The following ABLIM1 variants were observed in gnomAD, a reference collection of about 807,000 sequenced individuals.
ABLIM1 encodes actin-binding LIM protein 1.
ABLIM1 carries 40 observed loss-of-function variants against 107.0 expected under a neutral mutation model. That is an observed-to-expected ratio of 0.37 (90% CI 0.29 to 0.49). The LOEUF is 0.49. ABLIM1 is among the 20% of genes least tolerant of loss of function. The pLI, the probability that ABLIM1 is intolerant of heterozygous loss-of-function variation, is 0.97. For synonymous variants in ABLIM1, 357 were observed against 357.3 expected (o/e 1.00, Z 0.01); for missense variants, 857 against 1,008.5 (o/e 0.85, Z 2.04).
intron 2 of ABLIM1, among the ~76,000 whole-genome samples, chr10:114,584,364 A>C (rs1055024898): frequency 1.3e-5 from 2 of 152,168 alleles, no homozygotes; most frequent in Non-Finnish European, 2.9e-5. Context: ...CCAAGATGTT[A>C]GTCTATTCAT....
At chr10:114,453,618 C>T (rs751015796) in intron 12 of ABLIM1, 135 bp from the exon 13 acceptor site, 20 of 747,190 alleles carry the variant, frequency 2.7e-5, no homozygotes, top group Non-Finnish European at 1.2e-5. Context: ...AAGAAACAAA[C>T]TCAATTTATC....
At chr10:114,562,617 AG>A (rs1431135107) in intron 4 of ABLIM1, among the ~76,000 whole-genome samples, 1 of 152,246 alleles carries the variant, frequency 6.6e-6, no homozygotes, top group Non-Finnish European at 1.5e-5. Context: ...CTGTTAAGTA[AG>A]GGAAAACACT....
intron 4 of ABLIM1, among the ~76,000 whole-genome samples, chr10:114,570,876 G>C (rs2071573554): frequency 6.6e-6 from 1 of 152,084 alleles, no homozygotes; most frequent in Non-Finnish European, 1.5e-5. Flanking sequence ...AAAGTGCTGG[G>C]ATTACAGGCA....
intron 1 of ABLIM1, among the ~76,000 whole-genome samples, chr10:114,699,903 A>C (rs1430635064): frequency 6.6e-6 from 1 of 152,338 alleles, no homozygotes; most frequent in Non-Finnish European, 1.5e-5. Flanking sequence ...ATTATACCAC[A>C]GTATTGCAAG....
exon 1 of ABLIM1, chr10:114,684,572 C>A: frequency 7.4e-7 from 1 of 1,344,528 alleles, no homozygotes; most frequent in East Asian, 2.6e-5. Flanking sequence ...TCCTCATGTA[C>A]AGATTCTGCA....
At chr10:114,567,440 G>C (rs942171323) in intron 4 of ABLIM1, among the ~76,000 whole-genome samples, 7 of 152,206 alleles carry the variant, frequency 4.6e-5, no homozygotes, top group African/African-American at 7.2e-5. Flanking sequence ...ATGTAAACCA[G>C]TTACACAGTA....
intron 1 of ABLIM1, among the ~76,000 whole-genome samples, chr10:114,754,018 A>AT (rs1055401553): frequency 6.6e-5 from 10 of 151,978 alleles, no homozygotes; most frequent in Non-Finnish European, 1.2e-4. Flanking sequence ...GACCTGGCTA[A>AT]TTTTTTTGTA....
chr10:114,578,785 CTTTT>C (rs35420465), intron 2 of ABLIM1, among the ~76,000 whole-genome samples: 1 of 111,720 alleles, frequency 9.0e-6, no homozygotes, highest in South Asian at 3.0e-4. Flanking sequence ...TCTTTCTTTT[CTTTT>C]TTTTTTTTTT....
At position 114,535,214 on chromosome 10, in the gene ABLIM1, C is replaced by T. The variant is rs144529677; in HGVS notation, c.894+9791G>A. 5.1e-4 allele frequency among the ~76,000 whole-genome samples: 78 copies of T among 152,338 alleles called. No individual in the cohort carries two copies. In the East Asian group the frequency reaches 0.014, roughly 28 times the overall value. The stretch of plus-strand genomic sequence containing the variant: ...GAGGTTTTACATTCACTAAGCTACA[C>T]TCTACAATCAAGGCCATGTCCTGTG... On this transcript the variant is annotated intron_variant, in intron 6 of 22. Transcript: ENST00000533213.
chr10:114,615,827 A>C lies in ABLIM1; in HGVS notation c.245-13866T>G, dbSNP rs1203645159. On this transcript the variant is annotated intron_variant, in intron 1 of 22. Transcript: ENST00000533213. ...AGTCTCTGACTCAGAAAAAAAAAAA[A>C]AACAGCTGAAGGAAGGAGCTGATGG... is the stretch of plus-strand genomic sequence containing the variant. 2.0e-5 allele frequency among the ~76,000 whole-genome samples: 3 copies of C among 152,094 alleles called. No individual in the cohort carries two copies. The East Asian group carries it at 5.8e-4, about 29-fold the overall frequency.
chr10:114,725,223 C>T (rs919570454), intron 1 of ABLIM1, among the ~76,000 whole-genome samples: 1 of 152,094 alleles, frequency 6.6e-6, no homozygotes, highest in Admixed American at 6.6e-5. Context: ...AGCAATTTAC[C>T]TGGTGGATAT....
At chr10:114,577,024 C>A (rs541528734) in intron 2 of ABLIM1, among the ~76,000 whole-genome samples, 9 of 152,172 alleles carry the variant, frequency 5.9e-5, no homozygotes, top group African/African-American at 2.2e-4. Context: ...GGGGAACCCA[C>A]GTGTGGATTG....
chr10:114,774,352 G>T, the ABLIM1 span, among the ~76,000 whole-genome samples: 1 of 152,190 alleles, frequency 6.6e-6, no homozygotes, highest in African/African-American at 2.4e-5. Context: ...CCAGGCTACA[G>T]GTGGAGGGAG....
At chr10:114,797,952 A>C in the ABLIM1 span, among the ~76,000 whole-genome samples, 1 of 152,196 alleles carries the variant, frequency 6.6e-6, no homozygotes, top group Non-Finnish European at 1.5e-5. Flanking sequence ...TTTCTCACAA[A>C]GTTGAACTGA....
intron 2 of ABLIM1, among the ~76,000 whole-genome samples, chr10:114,583,247 A>G (rs1419271444): frequency 6.6e-6 from 1 of 151,574 alleles, no homozygotes; most frequent in African/African-American, 2.4e-5. Flanking sequence ...AGACATATGA[A>G]AAAATGCTCA....
Position 114,436,190 on chromosome 10 carries a change from C to CCTCAATATG in ABLIM1, c.*61_*69dup, listed in dbSNP as rs2059350847. ...TGCAAATTCTCCAATCAAGTTTGGG[C>CCTCAATATG]CTCAATATGACATCCTATGGGGCAC... On this transcript the variant is annotated 3_prime_UTR_variant, in exon 23 of 23. Coordinates refer to ENST00000533213, the MANE Select transcript of ABLIM1 (RefSeq NM_002313.7). 2 of 1,262,988 alleles carry CCTCAATATG rather than the reference C, an allele frequency of 1.6e-6. No homozygotes were observed. Among genetic ancestry groups the CCTCAATATG allele is most frequent in the South Asian group, 2.7e-5 (2 of 74,180 alleles). 78.2% of individuals were successfully genotyped at this position (1,262,988 alleles called of 1,614,324 possible). A position where few individuals can be genotyped will look rare whatever the true frequency, so the allele number is the denominator to read the frequency against.
At chr10:114,720,804 C>G (rs1339512175) in intron 1 of ABLIM1, among the ~76,000 whole-genome samples, 1 of 152,040 alleles carries the variant, frequency 6.6e-6, no homozygotes, top group African/African-American at 2.4e-5. Flanking sequence ...CATGAACCAC[C>G]AAACACGGTC....
At chr10:114,651,099 C>T (rs1374808269) in intron 1 of ABLIM1, among the ~76,000 whole-genome samples, 1 of 152,184 alleles carries the variant, frequency 6.6e-6, no homozygotes, top group Non-Finnish European at 1.5e-5. Context: ...GTTTGCTTTG[C>T]AGCTTCTCCT....
At chr10:114,516,084 C>CA (rs142288995) in intron 6 of ABLIM1, among the ~76,000 whole-genome samples, 1 of 146,254 alleles carries the variant, frequency 6.8e-6, no homozygotes, top group Non-Finnish European at 1.5e-5. Context: ...GTGAGGTGAG[C>CA]AGGTATCAAT....
Sources: gnomAD v4.1 joint callset for allele counts (sites outside exome capture counted in the v4.1 genomes callset) on GRCh38, gnomAD v4.1.1 for gene constraint, MANE v1.5 for transcripts, NCBI Gene and HGNC (gene_info 2026-07-23, HGNC 2026-07-21) for gene names.